The following FREM2 variants were observed in gnomAD, a reference collection of about 807,000 sequenced individuals.
The protein encoded by FREM2 is FRAS1-related extracellular matrix protein 2.
In FREM2, 119 loss-of-function variants were observed where a neutral mutation model predicts 219.9. That is an observed-to-expected ratio of 0.54 (90% confidence interval 0.47 to 0.63). FREM2 has a LOEUF of 0.63. Ranked by LOEUF, FREM2 falls within the 30% of genes least tolerant of loss-of-function variation. The pLI, the probability that FREM2 is intolerant of heterozygous loss-of-function variation, is 0.00. For missense variants in FREM2, 4,030 were observed against 3,993.6 expected, an observed-to-expected ratio of 1.01 and a Z score of -0.25; for synonymous variants, 1,562 against 1,522.8, an observed-to-expected ratio of 1.03 and a Z score of -0.60.
At chr13:38,817,202 G>A (rs1463209033) in intron 6 of FREM2, among the ~76,000 whole-genome samples, 1 of 152,008 alleles carries the variant, frequency 6.6e-6, no homozygotes, top group African/African-American at 2.4e-5. Flanking sequence ...CACAAAAATA[G>A]AAATAAACAA....
intron 3 of FREM2, among the ~76,000 whole-genome samples, chr13:38,765,180 G>T (rs1873389077): frequency 6.6e-6 from 1 of 152,166 alleles, no homozygotes; most frequent in Non-Finnish European, 1.5e-5. Context: ...AAAGTGCTGG[G>T]ATTACAGGCG....
chr13:38,763,464 C>CTTTTTTTTTTTTTTTTTTT (rs1163604743), intron 2 of FREM2, among the ~76,000 whole-genome samples: 4 of 102,364 alleles, frequency 3.9e-5, no homozygotes, highest in Non-Finnish European at 5.5e-5. Context: ...GTTACTTGGG[C>CTTTTTTTTTTTTTTTTTTT]TTTTTTTTTT....
Position 38,689,383 on chromosome 13 carries a change from C to T in FREM2, c.2039C>T (p.Pro680Leu), listed in dbSNP as rs977840618. Residue 680 changes from proline to leucine, a missense_variant, in exon 1 of 24, where the codon CCT becomes CTT. Transcript: ENST00000280481. ...FTFRVQDNHDPPNQSGLQRFV... is the reference protein window; with the variant it reads ...FTFRVQDNHDLPNQSGLQRFV... ...TTTAGAGTCCAGGATAACCATGACC[C>T]TCCTAATCAGTCCGGGCTACAGCGG... is the stretch of plus-strand genomic sequence containing the variant. 1 of 1,614,128 alleles carries T rather than the reference C, an allele frequency of 6.2e-7. No individual in the cohort carries two copies.
At chr13:38,785,770 A>G (rs887167504) in intron 6 of FREM2, among the ~76,000 whole-genome samples, 2 of 152,188 alleles carry the variant, frequency 1.3e-5, no homozygotes, top group Non-Finnish European at 2.9e-5. Flanking sequence ...AGACCTTTGC[A>G]TAGGTTTATT....
intron 6 of FREM2, among the ~76,000 whole-genome samples, chr13:38,829,005 T>C (rs1010734385): frequency 6.6e-6 from 1 of 152,112 alleles, no homozygotes; most frequent in Admixed American, 6.6e-5. Flanking sequence ...ATATATAATA[T>C]GACAAGAAAT....
intron 6 of FREM2, chr13:38,822,149 C>G (rs1876083194): frequency 6.6e-6 from 1 of 151,878 alleles, no homozygotes; most frequent in African/African-American, 2.4e-5. Flanking sequence ...TCGTGTGTAC[C>G]TTTTTAAAAA....
At chr13:38,796,126 T>C (rs1593412900) in intron 6 of FREM2, among the ~76,000 whole-genome samples, 1 of 152,220 alleles carries the variant, frequency 6.6e-6, no homozygotes, top group East Asian at 1.9e-4. Flanking sequence ...GGAAAACAGG[T>C]ACCTGGATCT....
intron 2 of FREM2, among the ~76,000 whole-genome samples, chr13:38,726,777 A>G (rs532596537): frequency 6.6e-6 from 1 of 152,330 alleles, no homozygotes; most frequent in South Asian, 2.1e-4. Context: ...AACTGCTCTT[A>G]TATGCTATTT....
At chr13:38,763,969 G>C (rs1490935794) in intron 2 of FREM2, among the ~76,000 whole-genome samples, 4 of 152,278 alleles carry the variant, frequency 2.6e-5, no homozygotes, top group East Asian at 3.9e-4. Flanking sequence ...TTGCTCTCCA[G>C]TGGCACCTTG....
intron 23 of FREM2, 27 bp downstream of exon 23, chr13:38,879,004 G>C (rs199903081): frequency 1.4e-4 from 222 of 1,611,924 alleles, no homozygotes; most frequent in Non-Finnish European, 1.8e-4. Context: ...CTCATTTGTA[G>C]TAGTTGTGTA....
In FREM2 at chr13:38,697,793, T is replaced by C; in HGVS notation, c.5263+6T>C. 6.5e-7 allele frequency: 1 copy of C among 1,538,958 alleles called. No individual in the cohort carries two copies. The highest frequency in any genetic ancestry group is 9.0e-7 in the Non-Finnish European group (1 of 1,111,510). On this transcript the variant is annotated splice_donor_region_variant and intron_variant, in intron 2 of 23. Transcript: ENST00000280481. ...TTTTGCAGTTGAAGATGGTGGTAAG[T>C]ATTCCCCTCTCCTGGTAGTGACCGC...
chr13:38,727,445 C>A (rs1871576129), intron 2 of FREM2, among the ~76,000 whole-genome samples: 1 of 152,186 alleles, frequency 6.6e-6, no homozygotes, highest in Non-Finnish European at 1.5e-5. Context: ...TGCCACTGCA[C>A]TCCAGCCTGG....
chr13:38,739,363 A>G (rs1872140651), intron 2 of FREM2, among the ~76,000 whole-genome samples: 1 of 152,184 alleles, frequency 6.6e-6, no homozygotes, highest in Non-Finnish European at 1.5e-5. Flanking sequence ...CTACTGGCAT[A>G]CCAATAAAGT....
chr13:38,708,547 G>T (rs553872160), intron 2 of FREM2, among the ~76,000 whole-genome samples: 5 of 152,066 alleles, frequency 3.3e-5, no homozygotes, highest in African/African-American at 1.2e-4. Context: ...CCAGCTACTC[G>T]GGAGGCTGAG....
chr13:38,703,681 A>G (rs543715239), intron 2 of FREM2, among the ~76,000 whole-genome samples: 1 of 152,310 alleles, frequency 6.6e-6, no homozygotes, highest in South Asian at 2.1e-4. Context: ...TACCTTTTAG[A>G]TAGAAAAGTA....
intron 2 of FREM2, among the ~76,000 whole-genome samples, chr13:38,713,137 CA>C (rs1176365072): frequency 6.6e-6 from 1 of 152,196 alleles, no homozygotes. Flanking sequence ...CTTTTCTAAG[CA>C]GTGTTCTCTC....
At chr13:38,825,770 C>T (rs1157535719) in intron 6 of FREM2, among the ~76,000 whole-genome samples, 1 of 152,094 alleles carries the variant, frequency 6.6e-6, no homozygotes, top group African/African-American at 2.4e-5. Flanking sequence ...CCTTTTACCC[C>T]CATCACTCAC....
At chr13:38,710,050 G>A (rs537242270) in intron 2 of FREM2, among the ~76,000 whole-genome samples, 7 of 150,384 alleles carry the variant, frequency 4.7e-5, no homozygotes, top group Admixed American at 1.3e-4. Flanking sequence ...TTAGCCGGGC[G>A]TGATGGCACA....
chr13:38,688,661 G>T lies in FREM2; in HGVS notation c.1317G>T (p.Pro439=), dbSNP rs537152975. The change falls in exon 1 of 24, where the codon CCG becomes CCT. Residue 439 remains proline (P), a synonymous_variant. Coordinates refer to ENST00000280481, the MANE Select transcript of FREM2 (RefSeq NM_207361.6). ...TGAAGCCCATGAACACAATGGCTCCGGTGGTCACCCGGAATACCGGTCTTA... is the reference window on the plus strand; with the variant it reads ...TGAAGCCCATGAACACAATGGCTCCTGTGGTCACCCGGAATACCGGTCTTA... ...VVVKPMNTMA[P]VVTRNTGLIL... 6 of 1,614,120 alleles carry T rather than the reference G, an allele frequency of 3.7e-6. No homozygotes were observed. The African/African-American group carries it at 5.3e-5, about 14-fold the overall frequency.
Sources: allele counts gnomAD v4.1 joint callset (sites outside exome capture counted in the v4.1 genomes callset), GRCh38; gene constraint gnomAD v4.1.1; transcripts MANE v1.5; gene names NCBI Gene and HGNC (gene_info 2026-07-23, HGNC 2026-07-21).